Variants in DVL1 observed in about 807,000 individuals in gnomAD.
DVL1 encodes the protein dishevelled segment polarity protein 1.
Under a neutral mutation model 65.0 loss-of-function variants are expected in DVL1, and 49 were observed. The observed-to-expected ratio is 0.75, with a 90% CI of 0.60 to 0.96. The LOEUF (loss-of-function observed/expected upper bound fraction) is 0.96. Ranked by LOEUF, DVL1 falls within the 40% of genes least tolerant of loss-of-function variation. DVL1 has a pLI of 0.00. For missense variants in DVL1, 1,197 were observed against 1,045.4 expected (o/e 1.15, Z -2.00); for synonymous variants, 608 against 433.9 (o/e 1.40, Z -4.99).
chr1:1,342,449 C>T lies in DVL1; in HGVS notation c.276G>A (p.Gly92=), dbSNP rs922377706. ...CTGTGTGGCTGTCCGTGCCCTGGGA[C>T]CCCGCATCCGAGTGAGCACCCTCAG... is the stretch of plus-strand genomic sequence containing the variant. ...VLAEGAHSDA[G]SQGTDSHTDL... The change falls in exon 3 of 15, where the codon GGG becomes GGA. Residue 92 remains glycine (G), a synonymous_variant. Transcript: ENST00000378888. 17 of 1,607,404 alleles carry T rather than the reference C, an allele frequency of 1.1e-5. No individual in the cohort carries two copies. Among genetic ancestry groups the T allele is most frequent in the African/African-American group, 2.7e-5 (2 of 74,862 alleles).
intron 3 of DVL1, 81 bp downstream of exon 3, chr1:1,342,253 AGCAGGTGCCACGCCCGCCTACTGGCCCAG>A: frequency 1.3e-6 from 2 of 1,496,662 alleles, no homozygotes; most frequent in Non-Finnish European, 1.8e-6. Context: ...CCCCAGCCCC[AGCAGGTGCCACGCCCGCCTACTGGCCCAG>A]GCAGGCCTCC....
intron 1 of DVL1, among the ~76,000 whole-genome samples, chr1:1,345,428 C>T (rs71628954): frequency 0.023 from 3,463 of 152,340 alleles, 61 homozygotes; most frequent in Non-Finnish European, 0.034. Flanking sequence ...CTGCCGTCCC[C>T]ACCCCAGCCA....
At chr1:1,338,718 A>AC in intron 11 of DVL1, 65 bp from the exon 12 acceptor site, 1 of 1,560,916 alleles carries the variant, frequency 6.4e-7, no homozygotes, top group South Asian at 1.2e-5. Flanking sequence ...AGGGCCCTGC[A>AC]CCCCCAGGGG....
Position 1,348,152 on chromosome 1 carries a change from A to C in DVL1, c.170+744T>G, listed in dbSNP as rs533771954. ...GGCCGGGCCAGGCCAGGCCTCAAGC[A>C]GACCGCCAGGCTCCTGCTCCCTGTC... On this transcript the variant is annotated intron_variant, in intron 1 of 14. Transcript: ENST00000378888. 4.5e-4 allele frequency among the ~76,000 whole-genome samples: 69 copies of C among 152,318 alleles called. 1 individual carries two copies. In the East Asian group the frequency reaches 0.011, roughly 25 times the overall value.
In DVL1 at chr1:1,336,165, C is replaced by T. The variant is rs1569667777; in HGVS notation, c.2065G>A (p.Glu689Lys). The T allele has an allele frequency of 3.8e-6, 6 of 1,575,250 alleles. No individual in the cohort carries two copies. The East Asian group carries it at 9.1e-5, about 24-fold the overall frequency. Residue 689 changes from glutamate to lysine, a missense_variant, in exon 15 of 15, where the codon GAG (glutamate) becomes AAG (lysine). Transcript: ENST00000378888. The part of the protein sequence containing the change: ...SFQKAMGNPC[E>K]FFVDIM ...AGTCACATGATGTCCACGAAGAACT[C>T]GCAGGGGTTCCCCATAGCCTTCTGG... is the stretch of plus-strand genomic sequence containing the variant.
Position 1,338,069 on chromosome 1 carries a change from T to C in DVL1, c.1622A>G (p.Gln541Arg). 1.2e-6 allele frequency: 2 copies of C among 1,610,486 alleles called. No individual in the cohort carries two copies. The highest frequency in any genetic ancestry group is 3.3e-4 in the Middle Eastern group (2 of 6,030). The change falls in exon 14 of 15, where the codon CAG becomes CGG. Residue 541 changes from glutamine to arginine, a missense_variant. Transcript: ENST00000378888. ...GAAGCAGGGTGGGGGTCCCGGGTAC[T>C]GGTAGGGGTAGCCCTGACCCAGAGG... ...PWPLGQGYPY[Q>R]YPGPPPCFPP...
At chr1:1,343,542 G>A (rs1429228748) in intron 1 of DVL1, among the ~76,000 whole-genome samples, 2 of 152,202 alleles carry the variant, frequency 1.3e-5, no homozygotes, top group African/African-American at 2.4e-5. Flanking sequence ...CATCATGCCA[G>A]CCATGCCCTA....
intron 1 of DVL1, among the ~76,000 whole-genome samples, chr1:1,344,726 T>C (rs1027474014): frequency 1.3e-5 from 2 of 152,132 alleles, no homozygotes; most frequent in African/African-American, 4.8e-5. Flanking sequence ...TGAGAGGCTG[T>C]CACACCTGAA....
At chr1:1,342,837 CG>C in intron 1 of DVL1, 79 bp from the exon 2 acceptor site, 1 of 1,410,726 alleles carries the variant, frequency 7.1e-7, no homozygotes, top group Non-Finnish European at 9.9e-7. Context: ...GGAGAGCAGG[CG>C]CTCCTCCTGC....
Position 1,338,571 on chromosome 1 carries a change from C to T in DVL1, c.1290G>A (p.Glu430=), listed in dbSNP as rs534728716. ...RVMQLPDSGL[E]IRDRMWLKIT... ...TCTTGAGCCACATGCGGTCGCGGAT[C>T]TCCAGTCCCGAGTCTGGCAGCTGCA... The change falls in exon 12 of 15, where the codon GAG becomes GAA. Residue 430 remains glutamate, a synonymous_variant. Coordinates refer to ENST00000378888, the MANE Select transcript of DVL1 (RefSeq NM_001330311.2). 3.7e-6 allele frequency: 6 copies of T among 1,612,538 alleles called. No homozygotes were observed. In the African/African-American group the frequency reaches 8.0e-5, roughly 21 times the overall value.
At position 1,339,750 on chromosome 1, in the gene DVL1, G is replaced by T; in HGVS notation, c.972C>A (p.Ile324=). ...CCAGCCCTCACCCCGTCTGGGAAAC[G>T]ATCTCCCGCAGCACCCGCACGGCAT... ...NDDAVRVLRE[I]VSQTGPISLT... Residue 324 remains isoleucine, a synonymous_variant, in exon 9 of 15, where the codon ATC becomes ATA. Coordinates refer to ENST00000378888, the MANE Select transcript of DVL1 (RefSeq NM_001330311.2). 6.2e-7 allele frequency: 1 copy of T among 1,612,978 alleles called. No homozygotes were observed. The highest frequency in any genetic ancestry group is 8.5e-7 in the Non-Finnish European group (1 of 1,179,884).
chr1:1,338,333 C>T lies in DVL1; in HGVS notation c.1443G>A (p.Arg481=). ...ASSLLKHGFL[R]HTVNKITFSE... is the part of the protein sequence containing the mutation. ...AGAAGGTGATCTTGTTGACCGTGTG[C>T]CGCAGGAAGCCGTGCTTCAGCAAGC... The change falls in exon 13 of 15, where the codon CGG becomes CGA. Residue 481 remains arginine (R), a synonymous_variant. Coordinates refer to ENST00000378888, the MANE Select transcript of DVL1 (RefSeq NM_001330311.2). 1.9e-6 allele frequency: 3 copies of T among 1,604,880 alleles called. No individual in the cohort carries two copies. Among genetic ancestry groups the T allele is most frequent in the Non-Finnish European group, 2.6e-6 (3 of 1,175,710 alleles).
intron 1 of DVL1, among the ~76,000 whole-genome samples, chr1:1,345,701 G>A (rs1482213197): frequency 6.6e-6 from 1 of 152,166 alleles, no homozygotes; most frequent in Non-Finnish European, 1.5e-5. Context: ...GAACCCTCCA[G>A]ACTCCCAGAG....
At chr1:1,339,064 G>A (rs940754829) in intron 11 of DVL1, among the ~76,000 whole-genome samples, 2 of 152,206 alleles carry the variant, frequency 1.3e-5, no homozygotes, top group African/African-American at 4.8e-5. Flanking sequence ...CCCGCATAGG[G>A]GCCCTACGTA....
intron 5 of DVL1, 127 bp downstream of exon 5, chr1:1,341,540 G>A (rs1643827620): frequency 1.6e-6 from 2 of 1,220,014 alleles, no homozygotes; most frequent in Non-Finnish European, 2.2e-6. Flanking sequence ...ACATTTGCAG[G>A]CACACACATG....
At chr1:1,348,770 G>T in intron 1 of DVL1, 126 bp downstream of exon 1, 2 of 812,576 alleles carry the variant, frequency 2.5e-6, no homozygotes, top group African/African-American at 1.9e-5. Flanking sequence ...CGCATCTAGC[G>T]GAGGCGCGTC....
At position 1,339,619 on chromosome 1, in the gene DVL1, CCAGCA is replaced by C. The variant is rs754385045; in HGVS notation, c.1012_1016del (p.Cys338GlyfsTer14). On this transcript the variant is annotated frameshift_variant, in exon 10 of 15. Transcript: ENST00000378888. LOFTEE classifies it high-confidence loss of function. ...TGAAGTAGCTTCGGGGCGTTGGGTC[CCAGCA>C]CTTGGCCACAGTGAGGCTGATGGGC... 1 of 1,608,628 alleles carries C rather than the reference CCAGCA, an allele frequency of 6.2e-7. No homozygotes were observed. Among genetic ancestry groups the C allele is most frequent in the Non-Finnish European group, 8.5e-7 (1 of 1,176,760 alleles).
rs376204834 is a variant in DVL1, at chr1:1,336,200, C to T, written c.2030G>A (p.Arg677His). 9.5e-5 allele frequency: 148 copies of T among 1,564,500 alleles called. No individual in the cohort carries two copies. Among genetic ancestry groups the T allele is most frequent in the Middle Eastern group, 1.7e-4 (1 of 6,038 alleles). Residue 677 changes from arginine (R) to histidine (H), a missense_variant, in exon 15 of 15, where the codon CGC becomes CAC. Physicochemically the swap from Arg to His is conservative, Grantham distance 29. Coordinates refer to ENST00000378888, the MANE Select transcript of DVL1 (RefSeq NM_001330311.2). The stretch of plus-strand genomic sequence containing the variant: ...CCCCATAGCCTTCTGGAAGGACTGG[C>T]GGCTGCCTGTCAATTCCGGGGGGAC... The part of the protein sequence containing the change: ...AAVPPELTGS[R>H]QSFQKAMGNP...
chr1:1,341,586 T>G (rs1643830807), intron 5 of DVL1, 81 bp downstream of exon 5: 2 of 1,211,636 alleles, frequency 1.7e-6, no homozygotes, highest in Non-Finnish European at 2.2e-6. Flanking sequence ...TGAAAACACC[T>G]CATGCAGACA....
Sources: allele counts gnomAD v4.1 joint callset (sites outside exome capture counted in the v4.1 genomes callset), GRCh38; gene constraint gnomAD v4.1.1; transcripts MANE v1.5; gene names NCBI Gene and HGNC (gene_info 2026-07-23, HGNC 2026-07-21).